Variants in RAD51B observed in about 807,000 individuals in gnomAD.
RAD51B encodes the protein DNA repair protein RAD51 homolog 2.
Under a neutral mutation model 42.2 loss-of-function variants are expected in RAD51B, and 38 were observed. The ratio of observed to expected loss-of-function variants is 0.90; its 90% confidence interval spans 0.70 to 1.18. The LOEUF (loss-of-function observed/expected upper bound fraction) is 1.18, where lower values mean the gene tolerates loss of function less well. RAD51B is among the 50% of genes most tolerant of loss of function. The pLI is 0.00. For synonymous variants in RAD51B, 154 were observed against 145.2 expected (o/e 1.06, Z -0.43); for missense variants, 373 against 400.7 (o/e 0.93, Z 0.59).
At position 68,477,638 on chromosome 14, in the gene RAD51B, T is replaced by C. The variant is rs1311879696; in HGVS notation, c.1037-10T>C. On this transcript the variant is annotated splice_polypyrimidine_tract_variant and intron_variant, in intron 10 of 10. Transcript: ENST00000471583. ...TTTCAAACTTTCTCTTTTTTTTTTTTTTCCTTTAGGCCAAGAGAAGCCATA... is the reference window on the plus strand; with the variant it reads ...TTTCAAACTTTCTCTTTTTTTTTTTCTTCCTTTAGGCCAAGAGAAGCCATA... 2 of 1,607,860 alleles carry C rather than the reference T, an allele frequency of 1.2e-6. No homozygotes were observed. Among genetic ancestry groups the C allele is most frequent in the Non-Finnish European group, 1.7e-6 (2 of 1,178,288 alleles).
At chr14:68,210,053 G>A (rs919636243) in intron 7 of RAD51B, among the ~76,000 whole-genome samples, 16 of 151,484 alleles carry the variant, frequency 1.1e-4, no homozygotes, top group African/African-American at 3.4e-4. Context: ...TCCGCCACCC[G>A]GGTTCAAGTG....
intron 7 of RAD51B, among the ~76,000 whole-genome samples, chr14:68,197,723 T>C (rs1288118425): frequency 1.3e-5 from 2 of 152,166 alleles, no homozygotes; most frequent in Non-Finnish European, 2.9e-5. Flanking sequence ...TAATTTTGAT[T>C]TCACTGATGA....
intron 8 of RAD51B, among the ~76,000 whole-genome samples, chr14:68,308,141 G>C (rs896925018): frequency 1.3e-4 from 20 of 152,116 alleles, no homozygotes; most frequent in African/African-American, 4.6e-4. Flanking sequence ...ATAATATCAA[G>C]GATAGAATTA....
intron 9 of RAD51B, among the ~76,000 whole-genome samples, chr14:68,448,192 G>T (rs141114936): frequency 5.1e-4 from 78 of 152,286 alleles, no homozygotes; most frequent in African/African-American, 1.8e-3. Flanking sequence ...ATCCACTGGG[G>T]AGAGCTTACG....
intron 9 of RAD51B, among the ~76,000 whole-genome samples, chr14:68,438,128 C>T (rs912912760): frequency 6.6e-6 from 1 of 152,154 alleles, no homozygotes; most frequent in African/African-American, 2.4e-5. Context: ...CACTAAGGAA[C>T]TTCCAGCAAG....
chr14:68,120,501 A>G (rs185389910), intron 7 of RAD51B, among the ~76,000 whole-genome samples: 3 of 152,342 alleles, frequency 2.0e-5, no homozygotes, highest in Non-Finnish European at 4.4e-5. Context: ...AAGGTGCCTA[A>G]CAAAAACTGG....
intron 11 of RAD51B, among the ~76,000 whole-genome samples, chr14:68,669,026 C>T (rs1893094819): frequency 6.6e-6 from 1 of 152,220 alleles, no homozygotes; most frequent in Non-Finnish European, 1.5e-5. Flanking sequence ...AAGACGATAT[C>T]TTTGCTAGAG....
intron 7 of RAD51B, among the ~76,000 whole-genome samples, chr14:67,957,675 G>C (rs1285968768): frequency 6.6e-6 from 1 of 152,158 alleles, no homozygotes; most frequent in African/African-American, 2.4e-5. Context: ...CCAAAAGCTA[G>C]TGCCCCCAAA....
At chr14:68,348,707 G>A (rs2082723613) in intron 8 of RAD51B, among the ~76,000 whole-genome samples, 1 of 152,188 alleles carries the variant, frequency 6.6e-6, no homozygotes, top group Admixed American at 6.5e-5. Context: ...AGACCATCCT[G>A]GCTAACAGGG....
At chr14:68,228,409 C>T (rs2080083680) in intron 7 of RAD51B, among the ~76,000 whole-genome samples, 1 of 152,090 alleles carries the variant, frequency 6.6e-6, no homozygotes, top group Non-Finnish European at 1.5e-5. Flanking sequence ...CAAAATAATT[C>T]ATGTACTGCT....
chr14:68,233,538 A>C (rs1282024396), intron 7 of RAD51B, among the ~76,000 whole-genome samples: 1 of 152,200 alleles, frequency 6.6e-6, no homozygotes, highest in African/African-American at 2.4e-5. Context: ...TAAGTACCTG[A>C]GTATGCTAGT....
At chr14:68,653,595 C>T (rs1258097672) in intron 11 of RAD51B, among the ~76,000 whole-genome samples, 2 of 152,190 alleles carry the variant, frequency 1.3e-5, no homozygotes, top group East Asian at 1.9e-4. Flanking sequence ...AGTAGCACCA[C>T]CCCACACACA....
intron 7 of RAD51B, among the ~76,000 whole-genome samples, chr14:67,909,616 G>A (rs1214344064): frequency 6.6e-6 from 1 of 152,082 alleles, no homozygotes; most frequent in Non-Finnish European, 1.5e-5. Context: ...AAAATGCTGT[G>A]TAGTCACTAA....
chr14:67,913,965 ACT>A (rs1242528524), intron 7 of RAD51B, among the ~76,000 whole-genome samples: 1 of 148,296 alleles, frequency 6.7e-6, no homozygotes, highest in Non-Finnish European at 1.5e-5. Flanking sequence ...CCATCATTTT[ACT>A]CTTTATCTCC....
At chr14:67,865,596 T>A (rs972785289) in intron 5 of RAD51B, among the ~76,000 whole-genome samples, 20 of 138,838 alleles carry the variant, frequency 1.4e-4, no homozygotes, top group African/African-American at 5.5e-4. Flanking sequence ...TGGAGTTCAG[T>A]GGCAGGATCT....
At chr14:68,184,238 A>T (rs961885955) in intron 7 of RAD51B, among the ~76,000 whole-genome samples, 5 of 152,180 alleles carry the variant, frequency 3.3e-5, no homozygotes, top group African/African-American at 1.2e-4. Context: ...AGATTTTTTA[A>T]AAAAAGTTAT....
Position 68,682,404 on chromosome 14 carries a change from A to G in RAD51B, c.*11+31548A>G, listed in dbSNP as rs1893451164. Among the ~76,000 whole-genome samples the G allele has an allele frequency of 2.6e-5, 4 of 152,242 alleles. No individual in the cohort carries two copies. The South Asian group carries it at 8.3e-4, about 32-fold the overall frequency. On this transcript the variant is annotated intron_variant, in intron 11 of 11. Coordinates refer to the RAD51B transcript ENST00000488612. ...CACCAAGCTCGAGAGAGTCTCTCCC[A>G]AAAGTTCTCTGGAAAGCCCAGGGAT...
chr14:68,140,909 C>T (rs556329873), intron 7 of RAD51B, among the ~76,000 whole-genome samples: 4 of 152,218 alleles, frequency 2.6e-5, no homozygotes, highest in African/African-American at 7.2e-5. Flanking sequence ...TTGAAACAAC[C>T]GGGCAAAGTG....
intron 7 of RAD51B, among the ~76,000 whole-genome samples, chr14:68,256,425 G>A (rs767437072): frequency 2.6e-5 from 4 of 152,156 alleles, no homozygotes; most frequent in African/African-American, 7.2e-5. Context: ...ATTTGATGAC[G>A]ATGACTCTGA....
Sources: allele counts gnomAD v4.1 joint callset (sites outside exome capture counted in the v4.1 genomes callset), GRCh38; gene constraint gnomAD v4.1.1; transcripts MANE v1.5; gene names NCBI Gene and HGNC (gene_info 2026-07-23, HGNC 2026-07-21).